The following NELL1 variants were observed in gnomAD, a reference collection of about 807,000 sequenced individuals.
NELL1 encodes protein kinase C-binding protein NELL1.
NELL1 carries 76 observed loss-of-function variants against 107.4 expected under a neutral mutation model. The ratio of observed to expected loss-of-function variants is 0.71; its 90% confidence interval spans 0.59 to 0.86. The LOEUF (loss-of-function observed/expected upper bound fraction) is 0.86, where lower values mean the gene tolerates loss of function less well. NELL1 is among the 40% of genes least tolerant of loss of function. The probability of loss-of-function intolerance (pLI) is 0.00; values close to 1 mark genes in which losing one functional copy is unlikely to be tolerated. For missense variants in NELL1, 1,024 were observed against 1,005.5 expected (o/e 1.02, Z -0.25); for synonymous variants, 353 against 341.2 (o/e 1.03, Z -0.38).
intron 14 of NELL1, among the ~76,000 whole-genome samples, chr11:21,296,304 G>T (rs1849374961): frequency 6.6e-6 from 1 of 151,722 alleles, no homozygotes; most frequent in African/African-American, 2.4e-5. Context: ...TTTAAAAAAA[G>T]ACCAAAAAAC....
In NELL1 at chr11:20,794,519, A is replaced by G. The variant is rs116737406; in HGVS notation, c.335+10689A>G. On this transcript the variant is annotated intron_variant, in intron 3 of 19. Transcript: ENST00000357134. ...AGGTATTGCCCTGGGTGTGCTACAC[A>G]TGGGAGGCTGTGCAGGATAGTGAAG... is the stretch of plus-strand genomic sequence containing the variant. Among the ~76,000 whole-genome samples the G allele has an allele frequency of 2.1e-3, 321 of 152,314 alleles. 3 individuals carry two copies. The highest frequency in any genetic ancestry group is 7.5e-3 in the African/African-American group (313 of 41,570).
At chr11:20,969,205 C>G (rs74454167) in intron 12 of NELL1, among the ~76,000 whole-genome samples, 4,122 of 152,102 alleles carry the variant, frequency 0.027, 179 homozygotes, top group African/African-American at 0.093. Flanking sequence ...CTTCCCTGTG[C>G]CCCCCACTGT....
At chr11:21,488,900 G>T (rs1337271184) in intron 15 of NELL1, among the ~76,000 whole-genome samples, 1 of 151,636 alleles carries the variant, frequency 6.6e-6, no homozygotes, top group East Asian at 1.9e-4. Context: ...AACACACCAA[G>T]CACAAAATTA....
chr11:20,823,042 T>G (rs1168606413), intron 3 of NELL1, among the ~76,000 whole-genome samples: 3 of 151,704 alleles, frequency 2.0e-5, no homozygotes, highest in African/African-American at 7.2e-5. Context: ...AGGAAAACAG[T>G]ACAGTAAACA....
chr11:21,171,536 T>G, intron 13 of NELL1, among the ~76,000 whole-genome samples: 1 of 150,898 alleles, frequency 6.6e-6, no homozygotes, highest in Non-Finnish European at 1.5e-5. Context: ...ACCATATGGA[T>G]TTTCTCTATT....
intron 14 of NELL1, among the ~76,000 whole-genome samples, chr11:21,265,177 C>T (rs1402167566): frequency 5.9e-5 from 9 of 151,978 alleles, no homozygotes; most frequent in Non-Finnish European, 1.3e-4. Context: ...CGTGAGTAGA[C>T]TATAAACACC....
chr11:20,837,844 TAGATA>T (rs932577353), intron 3 of NELL1, among the ~76,000 whole-genome samples: 18 of 152,068 alleles, frequency 1.2e-4, no homozygotes, highest in African/African-American at 4.3e-4. Flanking sequence ...TAAATGAGAA[TAGATA>T]AATCTCCCAT....
chr11:20,678,138 G>A, intron 2 of NELL1, 78 bp downstream of exon 2: 1 of 1,530,014 alleles, frequency 6.5e-7, no homozygotes, highest in Non-Finnish European at 9.0e-7. Flanking sequence ...TTTGTTGTGT[G>A]TTTGTCTGGA....
chr11:21,169,851 C>A (rs140067651), intron 13 of NELL1: 26 of 1,410,882 alleles, frequency 1.8e-5, no homozygotes, highest in African/African-American at 8.6e-5. Flanking sequence ...ACCCCAGAGT[C>A]CCCCCAGGAA....
At chr11:21,237,491 CT>C (rs1858239757) in intron 14 of NELL1, among the ~76,000 whole-genome samples, 2 of 151,990 alleles carry the variant, frequency 1.3e-5, no homozygotes, top group Admixed American at 6.6e-5. Context: ...ATAATTCGAT[CT>C]TTTTTTCTCT....
At chr11:21,319,131 A>ATG (rs35208989) in intron 14 of NELL1, among the ~76,000 whole-genome samples, 110,645 of 146,620 alleles carry the variant, frequency 0.75, 42,706 homozygotes, top group Non-Finnish European at 0.85. Flanking sequence ...TCTCAGCAAT[A>ATG]TGTGTGTGTG....
At chr11:21,120,013 G>A (rs1855329065) in intron 13 of NELL1, among the ~76,000 whole-genome samples, 1 of 152,056 alleles carries the variant, frequency 6.6e-6, no homozygotes, top group Non-Finnish European at 1.5e-5. Context: ...TCCCATGAAG[G>A]TAAGAAATAA....
intron 17 of NELL1, among the ~76,000 whole-genome samples, chr11:21,563,285 A>C (rs901904155): frequency 1.3e-5 from 2 of 152,096 alleles, no homozygotes; most frequent in Admixed American, 6.6e-5. Flanking sequence ...GGGAAGGTAG[A>C]GACGTCCCCA....
intron 12 of NELL1, among the ~76,000 whole-genome samples, chr11:21,004,092 G>A (rs926697617): frequency 6.6e-6 from 1 of 152,074 alleles, no homozygotes; most frequent in Non-Finnish European, 1.5e-5. Context: ...AGAATAGATT[G>A]TTGTCCCATC....
intron 2 of NELL1, among the ~76,000 whole-genome samples, chr11:20,725,580 C>T (rs145173278): frequency 6.6e-6 from 1 of 152,116 alleles, no homozygotes; most frequent in Non-Finnish European, 1.5e-5. Context: ...AACATACTTA[C>T]CTTTTAAGCC....
chr11:21,508,487 G>A (rs1285984726), intron 15 of NELL1, among the ~76,000 whole-genome samples: 4 of 152,012 alleles, frequency 2.6e-5, no homozygotes, highest in Non-Finnish European at 5.9e-5. Flanking sequence ...AAAATAAAAA[G>A]GGGACATATT....
intron 5 of NELL1, among the ~76,000 whole-genome samples, chr11:20,895,010 G>A (rs1849696034): frequency 7.0e-6 from 1 of 143,306 alleles, no homozygotes; most frequent in South Asian, 2.1e-4. Flanking sequence ...GGTGGCTCAC[G>A]CCTGTAATCC....
At chr11:20,686,327 A>G (rs907190872) in intron 2 of NELL1, among the ~76,000 whole-genome samples, 4 of 152,214 alleles carry the variant, frequency 2.6e-5, no homozygotes, top group Admixed American at 2.6e-4. Context: ...TATCTTTGTT[A>G]CTGCTGTCTT....
intron 3 of NELL1, among the ~76,000 whole-genome samples, chr11:20,833,105 G>A (rs1282893859): frequency 2.6e-5 from 4 of 152,088 alleles, no homozygotes; most frequent in Non-Finnish European, 4.4e-5. Context: ...CCTGGCTTAG[G>A]CATCATTGTC....
Sources: allele counts gnomAD v4.1 joint callset (sites outside exome capture counted in the v4.1 genomes callset), GRCh38; gene constraint gnomAD v4.1.1; transcripts MANE v1.5; gene names NCBI Gene and HGNC (gene_info 2026-07-23, HGNC 2026-07-21).